Variants in ENO4 observed in about 807,000 individuals in gnomAD.
ENO4 encodes enolase 4.
Under a neutral mutation model 63.2 loss-of-function variants are expected in ENO4, and 53 were observed. The observed-to-expected ratio is 0.84, with a 90% confidence interval of 0.67 to 1.05. The LOEUF is 1.05. Among genes scored for constraint, ENO4 ranks in the 50% least tolerant of loss-of-function variants. The pLI is 0.00. For synonymous variants in ENO4, 266 were observed against 283.8 expected (o/e 0.94, Z 0.63); for missense variants, 719 against 772.0 (o/e 0.93, Z 0.81).
chr10:116,862,890 C>A, intron 7 of ENO4, 38 bp downstream of exon 7: 1 of 1,300,852 alleles, frequency 7.7e-7, no homozygotes, highest in Non-Finnish European at 1.1e-6. Context: ...GTTACTGACA[C>A]TTAGACACCT....
chr10:116,911,351 A>G, intron 10 of ENO4: 2 of 1,011,722 alleles, frequency 2.0e-6, no homozygotes, highest in Non-Finnish European at 2.7e-6. Context: ...CTGTGAGGAA[A>G]GGCAGACTGT....
Position 116,876,206 on chromosome 10 carries a change from C to T in ENO4, c.1483C>T (p.His495Tyr). 1 of 1,550,104 alleles carries T rather than the reference C, an allele frequency of 6.5e-7. No homozygotes were observed. Among genetic ancestry groups the T allele is most frequent in the Non-Finnish European group, 8.7e-7 (1 of 1,146,854 alleles). The part of the protein sequence containing the change: ...IPKSNGLIIK[H>Y]TNQTTMSDLV... ...CAAATCCAATGGGCTGATCATAAAACACACAAACCAAACTACAATGTCTGA... is the reference window on the plus strand; with the variant it reads ...CAAATCCAATGGGCTGATCATAAAATACACAAACCAAACTACAATGTCTGA... The change falls in exon 11 of 14, where the codon CAC (histidine) becomes TAC (tyrosine). Residue 495 changes from histidine (H) to tyrosine (Y), a missense_variant. His to Tyr is a moderately conservative substitution (Grantham distance 83). This residue lies in a region of ENO4 where 168 missense variants were observed against 163.3 expected (regional missense o/e 1.03). Coordinates refer to ENST00000341276, the MANE Select transcript of ENO4 (RefSeq NM_001242699.2).
At chr10:116,863,153 G>A (rs1000420221) in intron 7 of ENO4, among the ~76,000 whole-genome samples, 1 of 152,232 alleles carries the variant, frequency 6.6e-6, no homozygotes, top group Non-Finnish European at 1.5e-5. Flanking sequence ...CAGCTTGATG[G>A]AATGAAGGCA....
chr10:116,864,066 C>T (rs1846489827), intron 7 of ENO4, among the ~76,000 whole-genome samples: 1 of 152,198 alleles, frequency 6.6e-6, no homozygotes, highest in Admixed American at 6.5e-5. Flanking sequence ...TAATATCAAA[C>T]ACGCCGCATC....
At chr10:116,864,935 A>C (rs1033180508) in intron 7 of ENO4, among the ~76,000 whole-genome samples, 6 of 151,606 alleles carry the variant, frequency 4.0e-5, no homozygotes, top group Middle Eastern at 6.8e-3. Context: ...CAGGAGAATC[A>C]CTTGAACCCA....
chr10:116,876,058 T>C lies in ENO4; in HGVS notation c.1342-7T>C. 6.6e-7 allele frequency: 1 copy of C among 1,514,370 alleles called. No individual in the cohort carries two copies. Among genetic ancestry groups the C allele is most frequent in the Middle Eastern group, 1.7e-4 (1 of 5,778 alleles). The allele number at this position is 1,514,370 out of a possible 1,614,324, so 93.8% of individuals were successfully genotyped here. On this transcript the variant is annotated splice_polypyrimidine_tract_variant and splice_region_variant and intron_variant, in intron 10 of 13. Coordinates refer to ENST00000341276, the MANE Select transcript of ENO4 (RefSeq NM_001242699.2). The stretch of plus-strand genomic sequence containing the variant: ...TTATAATGATCAACTCTTAAATATT[T>C]ACCCAGGACTCTGAACAGTGGGACA...
At chr10:116,850,342 G>A (rs374754873) in intron 1 of ENO4, 3 of 156,822 alleles carry the variant, frequency 1.9e-5, no homozygotes, top group African/African-American at 7.2e-5. Flanking sequence ...GTGTATTGTA[G>A]TCTCTTGAGG....
intron 9 of ENO4, among the ~76,000 whole-genome samples, chr10:116,872,189 C>T (rs1391217794): frequency 6.6e-6 from 1 of 152,202 alleles, no homozygotes; most frequent in African/African-American, 2.4e-5. Flanking sequence ...AAGAGTGAAA[C>T]TCCATCTCAA....
chr10:116,881,127 G>A (rs1256915737), intron 13 of ENO4, among the ~76,000 whole-genome samples: 3 of 152,170 alleles, frequency 2.0e-5, no homozygotes, highest in Non-Finnish European at 4.4e-5. Context: ...TACATGTAAG[G>A]ACCTGACTGG....
At chr10:116,906,599 G>C (rs1847980372) in intron 10 of ENO4, 2 of 1,593,786 alleles carry the variant, frequency 1.3e-6, no homozygotes, top group Non-Finnish European at 1.7e-6. Flanking sequence ...ATGAAGAGAA[G>C]GACTGTGGAG....
chr10:116,850,785 G>A (rs1367324511), intron 1 of ENO4, among the ~76,000 whole-genome samples: 5 of 152,080 alleles, frequency 3.3e-5, no homozygotes. Context: ...CCACTGCGAC[G>A]AGGTAAAAAT....
chr10:116,894,729 G>A (rs1001726407), intron 10 of ENO4, among the ~76,000 whole-genome samples: 1 of 152,118 alleles, frequency 6.6e-6, no homozygotes, highest in Admixed American at 6.5e-5. Flanking sequence ...TTGTCTAATT[G>A]CAACTGTTAG....
chr10:116,904,591 T>C (rs2133331503), intron 10 of ENO4, among the ~76,000 whole-genome samples: 1 of 152,320 alleles, frequency 6.6e-6, no homozygotes, highest in South Asian at 2.1e-4. Flanking sequence ...AAAATGTATT[T>C]TCTATTCTAA....
chr10:116,889,572 A>C (rs912732911), intron 10 of ENO4, among the ~76,000 whole-genome samples: 1 of 152,254 alleles, frequency 6.6e-6, no homozygotes, highest in Non-Finnish European at 1.5e-5. Context: ...TTTACAGATG[A>C]GGATGATGGG....
Position 116,891,043 on chromosome 10 carries a change from G to C in ENO4, c.1194+11057G>C, listed in dbSNP as rs75725843. Among the ~76,000 whole-genome samples the C allele has an allele frequency of 1.9e-3, 296 of 152,306 alleles. 1 individual carries two copies. The highest frequency in any genetic ancestry group is 6.9e-3 in the African/African-American group (285 of 41,562). Reference sequence around the variant, plus strand: ...AATGCCCAAAAGAGCCCTAATAGACGTGGTTCTGAGCTCAATTGAATACAA... The same window carrying C: ...AATGCCCAAAAGAGCCCTAATAGACCTGGTTCTGAGCTCAATTGAATACAA... On this transcript the variant is annotated intron_variant, in intron 10 of 10. Transcript: ENST00000369207.
chr10:116,893,139 G>C (rs112829167), intron 10 of ENO4, among the ~76,000 whole-genome samples: 3 of 152,300 alleles, frequency 2.0e-5, no homozygotes, highest in African/African-American at 7.2e-5. Flanking sequence ...TCTGGAGGAA[G>C]TTGCTGTTTG....
intron 10 of ENO4, among the ~76,000 whole-genome samples, 173 bp downstream of exon 10, chr10:116,874,374 G>A (rs903669599): frequency 6.6e-6 from 1 of 152,200 alleles, no homozygotes; most frequent in African/African-American, 2.4e-5. Context: ...GTCTGGGGCT[G>A]AGTTGCTTTA....
chr10:116,878,348 G>C (rs1054182280), intron 11 of ENO4, among the ~76,000 whole-genome samples: 1 of 152,232 alleles, frequency 6.6e-6, no homozygotes, highest in Non-Finnish European at 1.5e-5. Flanking sequence ...TGGCCTGTGG[G>C]TGGTAGATGA....
intron 10 of ENO4, among the ~76,000 whole-genome samples, chr10:116,905,203 C>T (rs1847919753): frequency 7.6e-6 from 1 of 131,122 alleles, no homozygotes. Context: ...AGCGAGACTC[C>T]GTCTCAAAAA....
Sources: allele counts gnomAD v4.1 joint callset (sites outside exome capture counted in the v4.1 genomes callset), GRCh38; gene constraint gnomAD v4.1.1; regional missense constraint gnomAD v4.1.1; transcripts MANE v1.5; gene names NCBI Gene and HGNC (gene_info 2026-07-23, HGNC 2026-07-21).